The following SIPA1L1 variants were observed in gnomAD, a reference collection of about 807,000 sequenced individuals.
SIPA1L1 encodes the protein signal induced proliferation associated 1 like 1, also known as signal-induced proliferation-associated 1-like protein 1.
SIPA1L1 carries 26 observed loss-of-function variants against 162.7 expected under a neutral mutation model. The observed-to-expected ratio is 0.16, with a 90% CI of 0.12 to 0.22. The LOEUF (loss-of-function observed/expected upper bound fraction) is 0.22, where lower values mean the gene tolerates loss of function less well. Among genes scored for constraint, SIPA1L1 ranks in the 10% least tolerant of loss-of-function variants. The probability of loss-of-function intolerance (pLI) is 1.00; values close to 1 mark genes in which losing one functional copy is unlikely to be tolerated. For synonymous variants in SIPA1L1, 829 were observed against 837.4 expected (o/e 0.99, Z 0.17); for missense variants, 1,874 against 2,241.0 (o/e 0.84, Z 3.31).
intron 2 of SIPA1L1, among the ~76,000 whole-genome samples, chr14:71,494,438 A>G (rs963170216): frequency 4.6e-5 from 7 of 151,746 alleles, no homozygotes; most frequent in African/African-American, 1.7e-4. Context: ...GGAGGTTATA[A>G]TAATTGATTT....
chr14:71,620,852 G>A (rs993147375), intron 6 of SIPA1L1, among the ~76,000 whole-genome samples: 1 of 152,124 alleles, frequency 6.6e-6, no homozygotes, highest in African/African-American at 2.4e-5. Context: ...TTCTTCTCCA[G>A]CTAAGCCATT....
chr14:71,681,959 A>T (rs1237246794), intron 12 of SIPA1L1, among the ~76,000 whole-genome samples: 2 of 152,248 alleles, frequency 1.3e-5, no homozygotes, highest in Non-Finnish European at 1.5e-5. Flanking sequence ...CCTGCTGGCC[A>T]TAGCCCTTTA....
In SIPA1L1 at chr14:71,650,326, C is replaced by T. The variant is rs1404461881; in HGVS notation, c.1819-9C>T. ...ATATTTATATGCATCGTATTACCTGCCTTCACAGCTGAACTACCAGCAGAA... is the reference window on the plus strand; with the variant it reads ...ATATTTATATGCATCGTATTACCTGTCTTCACAGCTGAACTACCAGCAGAA... On this transcript the variant is annotated splice_polypyrimidine_tract_variant and intron_variant, in intron 7 of 23. Transcript: ENST00000381232. The T allele has an allele frequency of 6.2e-7, 1 of 1,613,910 alleles. No individual in the cohort carries two copies.
At chr14:71,647,002 T>G (rs2042228416) in intron 7 of SIPA1L1, among the ~76,000 whole-genome samples, 1 of 152,154 alleles carries the variant, frequency 6.6e-6, no homozygotes, top group Non-Finnish European at 1.5e-5. Context: ...TGTTCCTGAT[T>G]ACATTTACTT....
At chr14:71,506,423 C>T (rs578075652) in intron 2 of SIPA1L1, among the ~76,000 whole-genome samples, 3 of 152,240 alleles carry the variant, frequency 2.0e-5, no homozygotes, top group Non-Finnish European at 2.9e-5. Flanking sequence ...TCACTGTGAC[C>T]TCTGCCTCAC....
At chr14:71,513,482 C>T (rs981635752) in intron 3 of SIPA1L1, among the ~76,000 whole-genome samples, 6 of 151,672 alleles carry the variant, frequency 4.0e-5, no homozygotes, top group Admixed American at 3.9e-4. Context: ...AGATATTGAC[C>T]GATTTTTGTT....
At position 71,738,341 on chromosome 14, in the gene SIPA1L1, CA is replaced by C. The variant is rs748435336; in HGVS notation, c.5208+19del. 6.4e-7 allele frequency: 1 copy of C among 1,573,610 alleles called. No homozygotes were observed. The highest frequency in any genetic ancestry group is 2.2e-5 in the East Asian group (1 of 44,706). ...TTTGAAGAAGGTAAACATGTATTCT[CA>C]AAGCAAATTGTCCAGTCTGTACAAA... On this transcript the variant is annotated intron_variant, in intron 23 of 23. Coordinates refer to ENST00000381232, the MANE Select transcript of SIPA1L1 (RefSeq NM_001386936.1).
chr14:71,399,289 G>A (rs978713729), intron 2 of SIPA1L1, among the ~76,000 whole-genome samples: 1 of 152,274 alleles, frequency 6.6e-6, no homozygotes, highest in East Asian at 1.9e-4. Flanking sequence ...CACCCCATCC[G>A]TTTCCTGTAA....
At chr14:71,482,800 C>G (rs919599238) in intron 2 of SIPA1L1, among the ~76,000 whole-genome samples, 1 of 152,114 alleles carries the variant, frequency 6.6e-6, no homozygotes, top group African/African-American at 2.4e-5. Flanking sequence ...GTGCTTTTAG[C>G]CAGTTGGTAG....
At chr14:71,325,064 G>A (rs114302208) in intron 2 of SIPA1L1, among the ~76,000 whole-genome samples, 2,546 of 152,196 alleles carry the variant, frequency 0.017, 69 homozygotes, top group African/African-American at 0.058. Context: ...GGAGAGATAA[G>A]CATTGTGGTA....
At chr14:71,339,570 G>C (rs373520925) in intron 2 of SIPA1L1, among the ~76,000 whole-genome samples, 10 of 152,038 alleles carry the variant, frequency 6.6e-5, no homozygotes, top group Admixed American at 5.9e-4. Context: ...CACCATGTTG[G>C]CCAGGCTGGT....
At chr14:71,629,138 C>T (rs923995890) in intron 7 of SIPA1L1, among the ~76,000 whole-genome samples, 5 of 152,076 alleles carry the variant, frequency 3.3e-5, no homozygotes, top group Non-Finnish European at 7.3e-5. Flanking sequence ...GGGGTTCCAC[C>T]GTGTTAGCCA....
chr14:71,584,544 G>A (rs551458691), intron 4 of SIPA1L1, among the ~76,000 whole-genome samples: 1 of 152,224 alleles, frequency 6.6e-6, no homozygotes, highest in Non-Finnish European at 1.5e-5. Flanking sequence ...TGGATGTATG[G>A]TCCATGCTCT....
At chr14:71,435,689 C>G (rs2044325479) in intron 2 of SIPA1L1, among the ~76,000 whole-genome samples, 1 of 152,034 alleles carries the variant, frequency 6.6e-6, no homozygotes, top group Non-Finnish European at 1.5e-5. Flanking sequence ...GGGTATATAC[C>G]CAGTAATGGG....
intron 2 of SIPA1L1, among the ~76,000 whole-genome samples, chr14:71,404,053 C>CT (rs1180734631): frequency 8.5e-6 from 1 of 118,120 alleles, no homozygotes; most frequent in East Asian, 2.9e-4. Context: ...TAAATTAATA[C>CT]TTAAAATTTA....
chr14:71,640,845 G>A (rs7148111), intron 7 of SIPA1L1, among the ~76,000 whole-genome samples: 1 of 152,004 alleles, frequency 6.6e-6, no homozygotes, highest in Non-Finnish European at 1.5e-5. Context: ...AGCTGGTCTC[G>A]AACTCCTGAC....
At chr14:71,436,905 C>T (rs1388652118) in intron 2 of SIPA1L1, among the ~76,000 whole-genome samples, 1 of 151,724 alleles carries the variant, frequency 6.6e-6, no homozygotes, top group Non-Finnish European at 1.5e-5. Flanking sequence ...GCTGGGACTA[C>T]AGGTGCGTGC....
chr14:71,553,778 A>G (rs922103220), intron 4 of SIPA1L1, among the ~76,000 whole-genome samples: 1 of 152,130 alleles, frequency 6.6e-6, no homozygotes, highest in Admixed American at 6.5e-5. Context: ...TTTTTCATAT[A>G]GAAAACAAAT....
intron 2 of SIPA1L1, among the ~76,000 whole-genome samples, chr14:71,408,864 G>T (rs1476841522): frequency 6.6e-5 from 10 of 152,202 alleles, no homozygotes; most frequent in Admixed American, 6.5e-4. Flanking sequence ...CTGAGCACTT[G>T]CTTATTAGTT....
Sources: gnomAD v4.1 joint callset for allele counts (sites outside exome capture counted in the v4.1 genomes callset) on GRCh38, gnomAD v4.1.1 for gene constraint, MANE v1.5 for transcripts, NCBI Gene and HGNC (gene_info 2026-07-23, HGNC 2026-07-21) for gene names.